The following SMARCA5 variants were observed in gnomAD, a reference collection of about 807,000 sequenced individuals.
SMARCA5 encodes SWI/SNF-related matrix-associated actin-dependent regulator of chromatin subfamily A member 5.
SMARCA5 carries 18 observed loss-of-function variants against 140.4 expected under a neutral mutation model. The observed-to-expected ratio is 0.13, with a 90% confidence interval of 0.09 to 0.19. The LOEUF (loss-of-function observed/expected upper bound fraction) is 0.19. Among genes scored for constraint, SMARCA5 ranks in the 10% least tolerant of loss-of-function variants. The probability of loss-of-function intolerance (pLI) is 1.00; values close to 1 mark genes in which losing one functional copy is unlikely to be tolerated. For missense variants in SMARCA5, 606 were observed against 1,276.8 expected, an observed-to-expected ratio of 0.47 and a Z score of 8.01; for synonymous variants, 449 against 419.6, an observed-to-expected ratio of 1.07 and a Z score of -0.86.
intron 10 of SMARCA5, among the ~76,000 whole-genome samples, chr4:143,535,953 C>T (rs960137750): frequency 2.0e-5 from 3 of 152,026 alleles, no homozygotes; most frequent in Non-Finnish European, 4.4e-5. Flanking sequence ...ATGTTTAAGT[C>T]ACGTTGTATT....
intron 15 of SMARCA5, 25 bp downstream of exon 15, chr4:143,543,682 T>C (rs993993544): frequency 2.5e-6 from 4 of 1,587,766 alleles, no homozygotes; most frequent in Non-Finnish European, 3.4e-6. Context: ...AAATAATGCT[T>C]TTAATATAGA....
At chr4:143,532,038 A>G (rs1737197690) in intron 9 of SMARCA5, among the ~76,000 whole-genome samples, 2 of 152,248 alleles carry the variant, frequency 1.3e-5, no homozygotes, top group Admixed American at 1.3e-4. Context: ...CAGGAAGCAC[A>G]GATTTATTTG....
At chr4:143,530,337 AT>A (rs977221989) in intron 8 of SMARCA5, 120 bp from the exon 9 acceptor site, 402 of 578,040 alleles carry the variant, frequency 7.0e-4, no homozygotes, top group Non-Finnish European at 8.2e-4. Flanking sequence ...GGACTAAGTG[AT>A]TTTTTTTTGT....
chr4:143,532,334 T>TC (rs1553961620), intron 9 of SMARCA5, among the ~76,000 whole-genome samples: 1 of 152,204 alleles, frequency 6.6e-6, no homozygotes, highest in Non-Finnish European at 1.5e-5. Context: ...TGATTTTTTT[T>TC]CATGCATTTT....
At chr4:143,518,446 C>G (rs888833640) in intron 2 of SMARCA5, among the ~76,000 whole-genome samples, 1 of 152,142 alleles carries the variant, frequency 6.6e-6, no homozygotes, top group Non-Finnish European at 1.5e-5. Flanking sequence ...ACAGTGTGCT[C>G]CTGTAGGGTA....
chr4:143,538,857 T>G lies in SMARCA5; in HGVS notation c.1689T>G (p.Gly563=). The G allele has an allele frequency of 1.9e-6, 3 of 1,614,028 alleles. No individual in the cohort carries two copies. The highest frequency in any genetic ancestry group is 2.2e-5 in the South Asian group (2 of 91,070). The change falls in exon 13 of 24, where the codon GGT becomes GGG. Residue 563 remains glycine, a synonymous_variant. Coordinates refer to ENST00000283131, the MANE Select transcript of SMARCA5 (RefSeq NM_003601.4). ...FVFMLSTRAG[G]LGINLATADV... ...TCATGTTAAGCACGCGTGCTGGTGG[T>G]CTTGGCATCAATCTTGCGACTGCTG... is the stretch of plus-strand genomic sequence containing the variant.
intron 23 of SMARCA5, among the ~76,000 whole-genome samples, chr4:143,552,717 ATAGT>A (rs1560823793): frequency 6.6e-6 from 1 of 152,114 alleles, no homozygotes; most frequent in East Asian, 1.9e-4. Context: ...TTATTTAATA[ATAGT>A]TAATTTAATA....
chr4:143,525,342 A>G (rs1442046425), intron 4 of SMARCA5, 109 bp from the exon 5 acceptor site: 13 of 720,944 alleles, frequency 1.8e-5, no homozygotes, highest in African/African-American at 1.8e-4. Context: ...CTATTCAAGA[A>G]TCCGTTAGTA....
chr4:143,522,784 T>C lies in SMARCA5; in HGVS notation c.419+1189T>C, dbSNP rs761530285. Among the ~76,000 whole-genome samples, 29 of 152,146 alleles carry C rather than the reference T, an allele frequency of 1.9e-4. 1 individual carries two copies. Among genetic ancestry groups the C allele is most frequent in the Non-Finnish European group, 3.2e-4 (22 of 68,022 alleles). ...GTATGATGTCTCGAAAAGAAACACTTCTTTTATTCTTTTCTATTTTATTAT... is the reference window on the plus strand; with the variant it reads ...GTATGATGTCTCGAAAAGAAACACTCCTTTTATTCTTTTCTATTTTATTAT... On this transcript the variant is annotated intron_variant, in intron 3 of 23. Transcript: ENST00000283131.
rs756675906 is a variant in SMARCA5 at position 143,547,931 on chromosome 4, G to A, written c.2776G>A (p.Gly926Arg). 10 of 1,562,226 alleles carry A rather than the reference G, an allele frequency of 6.4e-6. No homozygotes were observed. In the South Asian group the frequency reaches 9.3e-5, roughly 15 times the overall value. The change falls in exon 22 of 24, where the codon GGA becomes AGA. Residue 926 changes from glycine to arginine, a missense_variant. Physicochemically the swap from Gly to Arg is moderately radical, Grantham distance 125. Coordinates refer to ENST00000283131, the MANE Select transcript of SMARCA5 (RefSeq NM_003601.4). ...SIKKALDTKI[G>R]RYKAPFHQLR... is the part of the protein sequence containing the mutation. ...ATATAAAATCTGACTTTCATAGATT[G>A]GACGGTACAAAGCACCTTTTCATCA...
intron 8 of SMARCA5, among the ~76,000 whole-genome samples, chr4:143,529,049 C>T (rs963454532): frequency 1.3e-5 from 2 of 152,096 alleles, no homozygotes; most frequent in African/African-American, 2.4e-5. Context: ...ATTCTTGTGC[C>T]TCAGCCTTCC....
rs1737472195 is a variant in SMARCA5, at chr4:143,543,719, T to C, written c.2052+62T>C. On this transcript the variant is annotated intron_variant, in intron 15 of 23. Coordinates refer to ENST00000283131, the MANE Select transcript of SMARCA5 (RefSeq NM_003601.4). ...TGTTTTAGACCAGAAACAGGAAATATTTGTTACATTGATGATAAATAATTT... is the reference window on the plus strand; with the variant it reads ...TGTTTTAGACCAGAAACAGGAAATACTTGTTACATTGATGATAAATAATTT... 4.0e-6 allele frequency: 6 copies of C among 1,515,972 alleles called. No individual in the cohort carries two copies. The East Asian group carries it at 1.1e-4, about 29-fold the overall frequency. 93.9% of individuals were successfully genotyped at this position (1,515,972 alleles called of 1,614,324 possible).
At chr4:143,522,946 A>G (rs946590842) in intron 3 of SMARCA5, among the ~76,000 whole-genome samples, 3 of 152,196 alleles carry the variant, frequency 2.0e-5, no homozygotes, top group African/African-American at 7.2e-5. Context: ...TCCTCAAACC[A>G]TCTTAAATGG....
At chr4:143,543,348 T>C (rs1049373142) in intron 14 of SMARCA5, among the ~76,000 whole-genome samples, 161 bp from the exon 15 acceptor site, 1 of 152,228 alleles carries the variant, frequency 6.6e-6, no homozygotes, top group Non-Finnish European at 1.5e-5. Flanking sequence ...GCATTAAATT[T>C]AGTGCAAAAA....
At chr4:143,530,899 C>T (rs1737169907) in intron 9 of SMARCA5, among the ~76,000 whole-genome samples, 1 of 152,226 alleles carries the variant, frequency 6.6e-6, no homozygotes, top group Non-Finnish European at 1.5e-5. Flanking sequence ...ACTGAAACCT[C>T]TGCCTCCCAG....
intron 10 of SMARCA5, 98 bp from the exon 11 acceptor site, chr4:143,536,354 T>TCA: frequency 1.3e-6 from 1 of 765,750 alleles, no homozygotes; most frequent in Non-Finnish European, 2.3e-6. Flanking sequence ...CTTACAGATA[T>TCA]TTGGGGGTTC....
In SMARCA5 at chr4:143,542,714, G is replaced by GT. The variant is rs557151225; in HGVS notation, c.1904-792dup. Among the ~76,000 whole-genome samples, 869 of 152,250 alleles carry GT rather than the reference G, an allele frequency of 5.7e-3. 11 individuals carry two copies. The highest frequency in any genetic ancestry group is 0.02 in the African/African-American group (831 of 41,570). On this transcript the variant is annotated intron_variant, in intron 14 of 23. Transcript: ENST00000283131. ...TGAAAACAAGTCTTTCTGGGTTTTTGTTTGTTTTTTTATACCTGTATTTTT... is the reference window on the plus strand; with the variant it reads ...TGAAAACAAGTCTTTCTGGGTTTTTGTTTTGTTTTTTTATACCTGTATTTTT...
chr4:143,531,313 C>T (rs77841374), intron 9 of SMARCA5, among the ~76,000 whole-genome samples: 1,904 of 152,306 alleles, frequency 0.013, 18 homozygotes, highest in Non-Finnish European at 0.019. Flanking sequence ...TTTCTACATA[C>T]AGCTTCCTGT....
At chr4:143,544,067 A>G (rs1318653519) in intron 16 of SMARCA5, 95 bp downstream of exon 16, 1 of 912,828 alleles carries the variant, frequency 1.1e-6, no homozygotes, top group Non-Finnish European at 1.5e-6. Flanking sequence ...ATTTTGCTTA[A>G]AACAGTAGTC....
Sources: gnomAD v4.1 joint callset for allele counts (sites outside exome capture counted in the v4.1 genomes callset) on GRCh38, gnomAD v4.1.1 for gene constraint, MANE v1.5 for transcripts, NCBI Gene and HGNC (gene_info 2026-07-23, HGNC 2026-07-21) for gene names.